THSD7B: variants seen among roughly 807,000 people sequenced by gnomAD.
THSD7B encodes thrombospondin type-1 domain-containing protein 7B.
Under a neutral mutation model 213.6 loss-of-function variants are expected in THSD7B, and 138 were observed. That is an observed-to-expected ratio of 0.65 (90% CI 0.56 to 0.74). The LOEUF (loss-of-function observed/expected upper bound fraction) is 0.74, where lower values mean the gene tolerates loss of function less well. Ranked by LOEUF, THSD7B falls within the 30% of genes least tolerant of loss-of-function variation. The pLI, the probability that THSD7B is intolerant of heterozygous loss-of-function variation, is 0.00. For synonymous variants in THSD7B, 742 were observed against 687.0 expected, an observed-to-expected ratio of 1.08 and a Z score of -1.25; for missense variants, 1,931 against 1,991.5, an observed-to-expected ratio of 0.97 and a Z score of 0.58.
At chr2:137,166,411 T>C (rs1680130702) in intron 6 of THSD7B, among the ~76,000 whole-genome samples, 1 of 152,216 alleles carries the variant, frequency 6.6e-6, no homozygotes, top group African/African-American at 2.4e-5. Context: ...GACACACATT[T>C]ATATGACATC....
chr2:137,402,996 G>T (rs1017989977), intron 12 of THSD7B, among the ~76,000 whole-genome samples: 1 of 152,102 alleles, frequency 6.6e-6, no homozygotes, highest in Admixed American at 6.5e-5. Flanking sequence ...AAGAACATTT[G>T]CTTGTACCCT....
At chr2:137,421,953 C>G (rs1336588189) in intron 14 of THSD7B, among the ~76,000 whole-genome samples, 1 of 152,200 alleles carries the variant, frequency 6.6e-6, no homozygotes, top group Non-Finnish European at 1.5e-5. Flanking sequence ...TATTAGGTAG[C>G]ATTTGCACAT....
At chr2:137,586,251 C>A (rs1681723933) in intron 17 of THSD7B, among the ~76,000 whole-genome samples, 1 of 152,180 alleles carries the variant, frequency 6.6e-6, no homozygotes, top group South Asian at 2.1e-4. Flanking sequence ...GATGGGTCTC[C>A]TGAATACAGC....
chr2:137,549,401 TC>T (rs1680802737), intron 15 of THSD7B, among the ~76,000 whole-genome samples: 2 of 144,064 alleles, frequency 1.4e-5, no homozygotes, highest in African/African-American at 5.1e-5. Context: ...TGGCGCAGAC[TC>T]ACTCACTCAA....
chr2:136,803,577 T>C lies in THSD7B; in HGVS notation c.-36+37890T>C, dbSNP rs1483333886. ...AATAGAGAATTTTTAAATTAGATTATATATTTGTATTAATCAAGGTTCTTC... is the reference window on the plus strand; with the variant it reads ...AATAGAGAATTTTTAAATTAGATTACATATTTGTATTAATCAAGGTTCTTC... On this transcript the variant is annotated intron_variant, in intron 1 of 27. Transcript: ENST00000409968. 2.6e-5 allele frequency among the ~76,000 whole-genome samples: 4 copies of C among 152,196 alleles called. No individual in the cohort carries two copies. In the South Asian group the frequency reaches 8.3e-4, roughly 32 times the overall value.
At chr2:137,315,465 C>G (rs1684072250) in intron 12 of THSD7B, among the ~76,000 whole-genome samples, 1 of 152,178 alleles carries the variant, frequency 6.6e-6, no homozygotes, top group Non-Finnish European at 1.5e-5. Flanking sequence ...AATCACCCGT[C>G]TTCTGCGTCG....
chr2:136,779,408 T>C (rs1681687264), intron 1 of THSD7B, among the ~76,000 whole-genome samples: 3 of 152,170 alleles, frequency 2.0e-5, no homozygotes, highest in African/African-American at 4.8e-5. Context: ...TATTGTTATA[T>C]TGTAGCTTAA....
At chr2:137,304,487 C>G (rs1683697244) in intron 12 of THSD7B, among the ~76,000 whole-genome samples, 1 of 151,846 alleles carries the variant, frequency 6.6e-6, no homozygotes, top group Admixed American at 6.6e-5. Flanking sequence ...GATTTGAAAG[C>G]CAAATTTCTA....
At chr2:137,186,025 A>T (rs116272262) in intron 7 of THSD7B, among the ~76,000 whole-genome samples, 1 of 152,250 alleles carries the variant, frequency 6.6e-6, no homozygotes, top group South Asian at 2.1e-4. Context: ...GTCCACTTGT[A>T]TATCTTCTTT....
intron 7 of THSD7B, among the ~76,000 whole-genome samples, chr2:137,197,948 G>A (rs1445120632): frequency 6.6e-6 from 1 of 152,148 alleles, no homozygotes; most frequent in Non-Finnish European, 1.5e-5. Context: ...ACACACTCAT[G>A]CACACGTGTA....
chr2:136,938,432 GA>G (rs1168804371), intron 2 of THSD7B, among the ~76,000 whole-genome samples: 3 of 151,888 alleles, frequency 2.0e-5, no homozygotes, highest in Admixed American at 6.6e-5. Flanking sequence ...TTTGTGCTTT[GA>G]AAACACTAAA....
chr2:136,972,930 C>T (rs553564655), intron 2 of THSD7B, among the ~76,000 whole-genome samples: 4 of 152,162 alleles, frequency 2.6e-5, no homozygotes, highest in Non-Finnish European at 4.4e-5. Flanking sequence ...GTTTGAGATT[C>T]AGATAAATTC....
chr2:137,456,961 C>A (rs536206318), intron 15 of THSD7B, among the ~76,000 whole-genome samples: 1 of 152,140 alleles, frequency 6.6e-6, no homozygotes, highest in East Asian at 1.9e-4. Flanking sequence ...CAGCTAGCCC[C>A]GACTCTGTGC....
At chr2:137,570,466 G>A (rs1042073137) in intron 16 of THSD7B, among the ~76,000 whole-genome samples, 17 of 151,780 alleles carry the variant, frequency 1.1e-4, no homozygotes, top group Non-Finnish European at 2.1e-4. Flanking sequence ...CTGCCACCTC[G>A]CCCAGCTAAT....
At chr2:136,842,553 T>G (rs1017998071) in intron 1 of THSD7B, among the ~76,000 whole-genome samples, 20 of 152,226 alleles carry the variant, frequency 1.3e-4, no homozygotes, top group African/African-American at 4.6e-4. Flanking sequence ...AGTTTCTATC[T>G]CAGGGTTATT....
At chr2:137,180,339 A>G (rs1163531231) in intron 7 of THSD7B, among the ~76,000 whole-genome samples, 4 of 152,182 alleles carry the variant, frequency 2.6e-5, no homozygotes, top group Non-Finnish European at 4.4e-5. Context: ...TGCTGCAGAA[A>G]TCATTATAAC....
chr2:136,767,091 T>C (rs1486933171), intron 1 of THSD7B, among the ~76,000 whole-genome samples: 4 of 152,144 alleles, frequency 2.6e-5, no homozygotes, highest in Non-Finnish European at 4.4e-5. Context: ...TGTCTGGCAG[T>C]GTCAGGGCAA....
At chr2:137,448,778 G>A (rs574713501) in intron 14 of THSD7B, among the ~76,000 whole-genome samples, 29 of 151,236 alleles carry the variant, frequency 1.9e-4, no homozygotes, top group African/African-American at 5.9e-4. Flanking sequence ...CAGCCTGGGC[G>A]ACAGAGCGAG....
chr2:136,882,537 T>A (rs1468090875), intron 2 of THSD7B, among the ~76,000 whole-genome samples: 2 of 152,204 alleles, frequency 1.3e-5, no homozygotes, highest in Non-Finnish European at 2.9e-5. Flanking sequence ...CATGTTGTTG[T>A]CAATTAAAGT....
Sources: gnomAD v4.1 joint callset for allele counts (sites outside exome capture counted in the v4.1 genomes callset) on GRCh38, gnomAD v4.1.1 for gene constraint, MANE v1.5 for transcripts, NCBI Gene and HGNC (gene_info 2026-07-23, HGNC 2026-07-21) for gene names.